Variants in MBNL1 observed in about 807,000 individuals in gnomAD.
MBNL1 encodes the protein muscleblind-like protein 1.
In MBNL1, 8 loss-of-function variants were observed where a neutral mutation model predicts 42.2. The ratio of observed to expected loss-of-function variants is 0.19; its 90% CI spans 0.11 to 0.34. The LOEUF (loss-of-function observed/expected upper bound fraction) is 0.34, where lower values mean the gene tolerates loss of function less well. Among genes scored for constraint, MBNL1 ranks in the 10% least tolerant of loss-of-function variants. The pLI is 1.00. For missense variants in MBNL1, 309 were observed against 495.3 expected (o/e 0.62, Z 3.57); for synonymous variants, 169 against 173.9 (o/e 0.97, Z 0.22).
intron 2 of MBNL1, among the ~76,000 whole-genome samples, chr3:152,324,215 A>G (rs950680171): frequency 2.0e-5 from 3 of 152,204 alleles, no homozygotes; most frequent in African/African-American, 7.2e-5. Context: ...ACCTTGAGGA[A>G]TGTCTATGAA....
intron 2 of MBNL1, among the ~76,000 whole-genome samples, chr3:152,327,298 T>C (rs1309765234): frequency 2.6e-5 from 4 of 152,124 alleles, no homozygotes; most frequent in South Asian, 2.1e-4. Flanking sequence ...TATCAAGCTC[T>C]GTGCTAGTCC....
chr3:152,412,387 G>T (rs2098601875), intron 2 of MBNL1, among the ~76,000 whole-genome samples: 1 of 151,866 alleles, frequency 6.6e-6, no homozygotes, highest in South Asian at 2.1e-4. Flanking sequence ...GTTAATTTCT[G>T]GGCCCTCAAA....
chr3:152,441,323 A>C (rs1401877697), intron 4 of MBNL1, among the ~76,000 whole-genome samples: 1 of 152,212 alleles, frequency 6.6e-6, no homozygotes, highest in Non-Finnish European at 1.5e-5. Flanking sequence ...AAAATTAGAG[A>C]TCAAATGACA....
At chr3:152,276,509 T>TG (rs1247469924) in intron 1 of MBNL1, among the ~76,000 whole-genome samples, 1 of 152,212 alleles carries the variant, frequency 6.6e-6, no homozygotes, top group Non-Finnish European at 1.5e-5. Context: ...ATACTTATTT[T>TG]GGATGCTGAT....
At chr3:152,317,674 A>G (rs1011345166) in intron 2 of MBNL1, among the ~76,000 whole-genome samples, 1 of 131,272 alleles carries the variant, frequency 7.6e-6, no homozygotes, top group Non-Finnish European at 1.8e-5. Flanking sequence ...ATCTCCAAGT[A>G]AGTCTAATAT....
chr3:152,455,690 T>C (rs1732244214), intron 7 of MBNL1, 113 bp downstream of exon 7: 1 of 884,704 alleles, frequency 1.1e-6, no homozygotes, highest in South Asian at 1.5e-5. Flanking sequence ...ATTTCCCTTT[T>C]ACTAACACTT....
chr3:152,337,491 G>C (rs917734910), intron 2 of MBNL1, among the ~76,000 whole-genome samples: 1 of 151,892 alleles, frequency 6.6e-6, no homozygotes, highest in Non-Finnish European at 1.5e-5. Context: ...GGTTGTGCAC[G>C]CCTGTAGTCC....
intron 2 of MBNL1, among the ~76,000 whole-genome samples, chr3:152,400,324 A>G (rs893236015): frequency 2.6e-5 from 4 of 152,220 alleles, no homozygotes; most frequent in Non-Finnish European, 5.9e-5. Flanking sequence ...TGCTATAGCT[A>G]TGAAATTTTT....
At chr3:152,251,189 C>CTT (rs1446558486) in intron 2 of MBNL1, among the ~76,000 whole-genome samples, 3 of 152,058 alleles carry the variant, frequency 2.0e-5, no homozygotes, top group Admixed American at 2.0e-4. Flanking sequence ...CAAATAATGT[C>CTT]TTTTTAAATA....
chr3:152,301,664 A>G (rs1338090382), intron 2 of MBNL1, among the ~76,000 whole-genome samples: 4 of 152,206 alleles, frequency 2.6e-5, no homozygotes, highest in African/African-American at 7.2e-5. Context: ...CTAAAGATCA[A>G]TAAGCAAAAG....
At chr3:152,408,516 T>C (rs140366726) in intron 2 of MBNL1, among the ~76,000 whole-genome samples, 244 of 152,264 alleles carry the variant, frequency 1.6e-3, no homozygotes, top group African/African-American at 5.6e-3. Context: ...ATACATATGC[T>C]GCTGTTAGAA....
chr3:152,458,203 G>A (rs1190161125), intron 8 of MBNL1: 1 of 1,612,926 alleles, frequency 6.2e-7, no homozygotes, highest in South Asian at 1.1e-5. Context: ...GGTATGAGAA[G>A]CTTCATTATG....
intron 1 of MBNL1, among the ~76,000 whole-genome samples, chr3:152,285,870 C>T (rs188800024): frequency 7.2e-5 from 11 of 151,832 alleles, no homozygotes; most frequent in African/African-American, 2.2e-4. Flanking sequence ...GCAGTACTCC[C>T]GCCTTGGTCT....
intron 2 of MBNL1, among the ~76,000 whole-genome samples, chr3:152,355,278 T>C (rs935628120): frequency 1.3e-5 from 2 of 152,326 alleles, no homozygotes; most frequent in East Asian, 1.9e-4. Flanking sequence ...ATCTATCTTA[T>C]AGTGTTGTTA....
At chr3:152,368,345 C>G (rs1001610463) in intron 2 of MBNL1, among the ~76,000 whole-genome samples, 2 of 151,934 alleles carry the variant, frequency 1.3e-5, no homozygotes, top group African/African-American at 4.8e-5. Context: ...ATTTTTGAGG[C>G]CTCTGTTCTG....
intron 1 of MBNL1, among the ~76,000 whole-genome samples, chr3:152,280,124 G>A (rs1031487134): frequency 6.6e-6 from 1 of 152,144 alleles, no homozygotes; most frequent in African/African-American, 2.4e-5. Context: ...CAGTGCCAGT[G>A]TGCCATGTAT....
At chr3:152,314,788 A>G (rs935970065) in intron 2 of MBNL1, among the ~76,000 whole-genome samples, 2 of 152,168 alleles carry the variant, frequency 1.3e-5, no homozygotes, top group African/African-American at 2.4e-5. Context: ...GGAAACAAAC[A>G]CCAAAACCCC....
intron 2 of MBNL1, among the ~76,000 whole-genome samples, chr3:152,303,974 A>G (rs1354493870): frequency 2.0e-5 from 3 of 152,164 alleles, no homozygotes; most frequent in Non-Finnish European, 4.4e-5. Context: ...TGCTATATAC[A>G]GTGATATCTA....
chr3:152,293,624 T>C (rs1156743253), intron 1 of MBNL1, among the ~76,000 whole-genome samples: 4 of 152,208 alleles, frequency 2.6e-5, no homozygotes, highest in African/African-American at 9.6e-5. Context: ...ATTGAAACTA[T>C]CTTAATAAAC....
Sources: allele counts gnomAD v4.1 joint callset (sites outside exome capture counted in the v4.1 genomes callset), GRCh38; gene constraint gnomAD v4.1.1; transcripts MANE v1.5; gene names NCBI Gene and HGNC (gene_info 2026-07-23, HGNC 2026-07-21).